Variants in ASCC3 observed in about 807,000 individuals in gnomAD.
ASCC3 encodes the protein ASC-1 complex subunit P200.
Under a neutral mutation model 256.3 loss-of-function variants are expected in ASCC3, and 158 were observed. The ratio of observed to expected loss-of-function variants is 0.62; its 90% CI spans 0.54 to 0.70. The LOEUF is 0.70. Ranked by LOEUF, ASCC3 falls within the 30% of genes least tolerant of loss-of-function variation. ASCC3 has a pLI of 0.00. For synonymous variants in ASCC3, 948 were observed against 883.4 expected (o/e 1.07, Z -1.30); for missense variants, 2,259 against 2,626.0 (o/e 0.86, Z 3.05).
intron 10 of ASCC3, among the ~76,000 whole-genome samples, chr6:100,754,005 G>A (rs912264445): frequency 9.9e-5 from 15 of 152,088 alleles, no homozygotes; most frequent in Non-Finnish European, 2.1e-4. Context: ...TTTAAACCAT[G>A]ACTAAATTCA....
intron 8 of ASCC3, among the ~76,000 whole-genome samples, chr6:100,768,014 CATG>C (rs1377937844): frequency 1.3e-5 from 2 of 152,052 alleles, no homozygotes; most frequent in Non-Finnish European, 2.9e-5. Context: ...TTATAAATTT[CATG>C]ATGATGTTCT....
At chr6:100,661,299 G>T (rs17306522) in intron 16 of ASCC3, among the ~76,000 whole-genome samples, 21,197 of 135,626 alleles carry the variant, frequency 0.16, 1,673 homozygotes, top group South Asian at 0.35. Context: ...TCCAGGGTCT[G>T]CTATGTAAAT....
At chr6:100,878,575 A>C (rs1769107059) in intron 1 of ASCC3, among the ~76,000 whole-genome samples, 1 of 152,254 alleles carries the variant, frequency 6.6e-6, no homozygotes, top group South Asian at 2.1e-4. Flanking sequence ...AACGTGGAAC[A>C]GACCCAGCAC....
intron 36 of ASCC3, among the ~76,000 whole-genome samples, chr6:100,565,006 G>T (rs1372635428): frequency 2.6e-5 from 4 of 152,104 alleles, no homozygotes; most frequent in Non-Finnish European, 1.5e-5. Context: ...CTTTAAATAT[G>T]GTTCCTTGCT....
intron 16 of ASCC3, among the ~76,000 whole-genome samples, chr6:100,661,019 T>C (rs1167510006): frequency 6.6e-6 from 1 of 151,718 alleles, no homozygotes; most frequent in Non-Finnish European, 1.5e-5. Context: ...AAGAAGTACC[T>C]AATATAGGAC....
chr6:100,733,851 C>T (rs974036311), intron 10 of ASCC3, among the ~76,000 whole-genome samples: 1 of 152,156 alleles, frequency 6.6e-6, no homozygotes, highest in South Asian at 2.1e-4. Flanking sequence ...CCCATCTCCT[C>T]TCCACTAGCT....
intron 34 of ASCC3, among the ~76,000 whole-genome samples, chr6:100,593,279 C>T (rs921525707): frequency 6.6e-6 from 1 of 152,088 alleles, no homozygotes; most frequent in Non-Finnish European, 1.5e-5. Context: ...GCATCCAGCA[C>T]ATGGGCTACA....
intron 21 of ASCC3, among the ~76,000 whole-genome samples, chr6:100,647,018 A>G (rs1775413648): frequency 6.6e-6 from 1 of 152,154 alleles, no homozygotes; most frequent in African/African-American, 2.4e-5. Context: ...AAAATTACTG[A>G]GACTTGATAG....
chr6:100,637,047 A>T (rs1246473458), intron 25 of ASCC3, among the ~76,000 whole-genome samples: 4 of 152,230 alleles, frequency 2.6e-5, no homozygotes, highest in Non-Finnish European at 4.4e-5. Context: ...GTTTTAATGT[A>T]TACAAAATAG....
Position 100,627,630 on chromosome 6 carries a change from G to A in ASCC3, c.4602C>T (p.Tyr1534=), listed in dbSNP as rs775502564. The part of the protein sequence containing the change: ...VHIQGFPGQH[Y]CPRMASMNKP... ...TGTTCATACTAGCCATACGAGGACAGTAATGTTGACCTGGAAAGCCTTGAA... is the reference window on the plus strand; with the variant it reads ...TGTTCATACTAGCCATACGAGGACAATAATGTTGACCTGGAAAGCCTTGAA... Residue 1534 remains tyrosine (Y), a synonymous_variant, in exon 29 of 42, where the codon TAC becomes TAT. Transcript: ENST00000369162. 14 of 1,613,484 alleles carry A rather than the reference G, an allele frequency of 8.7e-6. No homozygotes were observed. Among genetic ancestry groups the A allele is most frequent in the Non-Finnish European group, 1.2e-5 (14 of 1,179,734 alleles).
intron 36 of ASCC3, among the ~76,000 whole-genome samples, chr6:100,553,926 A>G (rs1769431387): frequency 6.6e-6 from 1 of 152,124 alleles, no homozygotes; most frequent in Non-Finnish European, 1.5e-5. Context: ...GATATACACT[A>G]TTACATAATG....
intron 4 of ASCC3, among the ~76,000 whole-genome samples, chr6:100,820,795 A>G (rs1169843872): frequency 6.6e-6 from 1 of 152,204 alleles, no homozygotes; most frequent in Non-Finnish European, 1.5e-5. Flanking sequence ...AGTAATAAAA[A>G]GAAAACCCAA....
chr6:100,826,640 G>T (rs969631972), intron 4 of ASCC3, among the ~76,000 whole-genome samples: 2 of 152,110 alleles, frequency 1.3e-5, no homozygotes, highest in Admixed American at 1.3e-4. Flanking sequence ...GCTGAAGACA[G>T]AACCAAATTT....
At chr6:100,782,753 G>A (rs1459119998) in intron 8 of ASCC3, among the ~76,000 whole-genome samples, 1 of 151,962 alleles carries the variant, frequency 6.6e-6, no homozygotes, top group Non-Finnish European at 1.5e-5. Context: ...TTTCTGAGAT[G>A]AAAAGATCTT....
intron 34 of ASCC3, among the ~76,000 whole-genome samples, chr6:100,593,668 A>C (rs945407591): frequency 6.6e-6 from 1 of 152,122 alleles, no homozygotes; most frequent in Admixed American, 6.6e-5. Flanking sequence ...TGCTGCTGCT[A>C]TAACTGTCAG....
intron 1 of ASCC3, among the ~76,000 whole-genome samples, chr6:100,879,356 C>T (rs773861567): frequency 6.6e-5 from 10 of 152,144 alleles, no homozygotes; most frequent in Non-Finnish European, 1.2e-4. Flanking sequence ...ATCTTCAGCC[C>T]CTCTCTCACC....
At position 100,629,265 on chromosome 6, in the gene ASCC3, T is replaced by G. The variant is rs114961496; in HGVS notation, c.4209-84A>C. The G allele has an allele frequency of 3.2e-3, 3,980 of 1,260,666 alleles. 91 individuals carry two copies. In the African/African-American group the frequency reaches 0.053, roughly 17 times the overall value. 78.1% of individuals were successfully genotyped at this position (1,260,666 alleles called of 1,614,324 possible). A position where few individuals can be genotyped will look rare whatever the true frequency, so the allele number is the denominator to read the frequency against. On this transcript the variant is annotated intron_variant, in intron 26 of 41. Transcript: ENST00000369162. Reference sequence around the variant, plus strand: ...ATGCAAAAACCTATCTCTTTTAAAATAAAATTTTATAAGGCTTAAAATTAC... The same window carrying G: ...ATGCAAAAACCTATCTCTTTTAAAAGAAAATTTTATAAGGCTTAAAATTAC...
intron 13 of ASCC3, among the ~76,000 whole-genome samples, chr6:100,685,904 G>A (rs189853488): frequency 5.9e-5 from 9 of 152,244 alleles, no homozygotes; most frequent in South Asian, 2.1e-4. Context: ...ATCACAGTGC[G>A]AGCCAGCTGA....
chr6:100,533,684 A>C (rs1775024504), intron 37 of ASCC3, among the ~76,000 whole-genome samples: 4 of 152,256 alleles, frequency 2.6e-5, no homozygotes, highest in Admixed American at 1.3e-4. Context: ...AACACATATG[A>C]AAGCTCAATT....
Sources: allele counts gnomAD v4.1 joint callset (sites outside exome capture counted in the v4.1 genomes callset), GRCh38; gene constraint gnomAD v4.1.1; transcripts MANE v1.5; gene names NCBI Gene and HGNC (gene_info 2026-07-23, HGNC 2026-07-21).